The following MBD5 variants were observed in gnomAD, a reference collection of about 807,000 sequenced individuals.
MBD5 encodes methyl-CpG binding domain protein 5, also known as methyl-CpG-binding domain protein 5.
Under a neutral mutation model 117.3 loss-of-function variants are expected in MBD5, and 13 were observed. That is an observed-to-expected ratio of 0.11 (90% CI 0.07 to 0.18). The LOEUF is 0.18. Among genes scored for constraint, MBD5 ranks in the 10% least tolerant of loss-of-function variants. MBD5 has a pLI of 1.00. For synonymous variants in MBD5, 727 were observed against 766.4 expected (o/e 0.95, Z 0.85); for missense variants, 1,879 against 2,093.8 (o/e 0.90, Z 2.00).
At chr2:148,476,135 T>A (rs1680956273) in intron 8 of MBD5, among the ~76,000 whole-genome samples, 1 of 152,116 alleles carries the variant, frequency 6.6e-6, no homozygotes, top group South Asian at 2.1e-4. Context: ...GAGAGAGTAT[T>A]CATCACAGAT....
At chr2:148,057,705 T>C (rs1694908178) in intron 1 of MBD5, among the ~76,000 whole-genome samples, 1 of 151,964 alleles carries the variant, frequency 6.6e-6, no homozygotes, top group Non-Finnish European at 1.5e-5. Context: ...TGCTTTAGGG[T>C]TTGTAATTTA....
chr2:148,422,976 G>A (rs1705653870), intron 4 of MBD5, among the ~76,000 whole-genome samples: 1 of 152,120 alleles, frequency 6.6e-6, no homozygotes, highest in Admixed American at 6.5e-5. Flanking sequence ...GAAAGTGACG[G>A]GGAGAATGGA....
chr2:148,270,022 T>A (rs1700946600), intron 3 of MBD5, among the ~76,000 whole-genome samples: 1 of 152,144 alleles, frequency 6.6e-6, no homozygotes, highest in South Asian at 2.1e-4. Flanking sequence ...TAAGATATCC[T>A]CCTCTTGTTC....
Position 148,385,788 on chromosome 2 carries a change from G to T in MBD5, c.-557+43452G>T, listed in dbSNP as rs569038963. The stretch of plus-strand genomic sequence containing the variant: ...TGGAATACTATGCAGCCATAAAAAA[G>T]GATGAGTTCATGTCCTTAGTAGGGA... On this transcript the variant is annotated intron_variant, in intron 4 of 13. Coordinates refer to ENST00000642680, the MANE Select transcript of MBD5 (RefSeq NM_001378120.1). 1.8e-4 allele frequency among the ~76,000 whole-genome samples: 24 copies of T among 131,046 alleles called. No homozygotes were observed. In the South Asian group the frequency reaches 2.7e-3, roughly 15 times the overall value. 86.0% of individuals were successfully genotyped at this position (131,046 alleles called of 152,430 possible).
chr2:148,129,436 C>G lies in MBD5; in HGVS notation c.-924-49264C>G, dbSNP rs563807199. ...ACTTGAACCAGGGAGGCGGAGGTTG[C>G]AGTGAGCCAAGATCACACCACTGCA... On this transcript the variant is annotated intron_variant, in intron 1 of 13. Coordinates refer to ENST00000642680, the MANE Select transcript of MBD5 (RefSeq NM_001378120.1). 2.0e-5 allele frequency among the ~76,000 whole-genome samples: 3 copies of G among 152,194 alleles called. No individual in the cohort carries two copies. In the East Asian group the frequency reaches 5.8e-4, roughly 29 times the overall value.
intron 1 of MBD5, among the ~76,000 whole-genome samples, chr2:148,065,555 T>C (rs1347690255): frequency 1.3e-5 from 2 of 152,104 alleles, no homozygotes; most frequent in Admixed American, 6.5e-5. Context: ...CAACAAAATA[T>C]GTCAAAAAAA....
intron 1 of MBD5, among the ~76,000 whole-genome samples, chr2:148,038,709 A>G (rs1465500422): frequency 6.6e-6 from 1 of 151,946 alleles, no homozygotes; most frequent in Non-Finnish European, 1.5e-5. Context: ...AATCACATGT[A>G]AGGTTTTGAC....
intron 8 of MBD5, among the ~76,000 whole-genome samples, chr2:148,479,635 T>C (rs1193705633): frequency 6.6e-6 from 1 of 151,870 alleles, no homozygotes; most frequent in Non-Finnish European, 1.5e-5. Context: ...TAGGGAAACC[T>C]CACAATATTT....
intron 1 of MBD5, among the ~76,000 whole-genome samples, chr2:148,058,565 G>T (rs1392330774): frequency 1.3e-5 from 2 of 151,568 alleles, no homozygotes; most frequent in African/African-American, 4.8e-5. Context: ...ATTTTCTGAG[G>T]CTCTTAGTTG....
chr2:148,447,192 AAAGAAAGAAAGAAAGAAAGAAAGAAAG>A, intron 4 of MBD5, among the ~76,000 whole-genome samples: 1 of 9,366 alleles, frequency 1.1e-4, no homozygotes, highest in Admixed American at 4.2e-3. Flanking sequence ...AGAAAGAAAG[AAAGAAAGAAAGAAAGAAAGAAAGAAAG>A]AAAGAAAGAA....
In MBD5 at chr2:148,431,288, A is replaced by G. The variant is rs115310742; in HGVS notation, c.-556-26915A>G. On this transcript the variant is annotated intron_variant, in intron 4 of 13. Coordinates refer to ENST00000642680, the MANE Select transcript of MBD5 (RefSeq NM_001378120.1). ...ACAAAATATTTTATTAAATTTCCAA[A>G]TTAGACCAATAAATATTACTGTCTC... Among the ~76,000 whole-genome samples, 1,295 of 152,244 alleles carry G rather than the reference A, an allele frequency of 8.5e-3. 21 individuals are homozygous for G. The highest frequency in any genetic ancestry group is 0.03 in the African/African-American group (1,247 of 41,558).
intron 1 of MBD5, among the ~76,000 whole-genome samples, chr2:148,046,018 G>A (rs10186643): frequency 7.4e-6 from 1 of 135,604 alleles, no homozygotes; most frequent in Non-Finnish European, 1.5e-5. Context: ...AGAGTCTCGC[G>A]GTGTTGCCAG....
chr2:148,208,313 A>G (rs1699334849), intron 2 of MBD5, among the ~76,000 whole-genome samples: 1 of 152,094 alleles, frequency 6.6e-6, no homozygotes, highest in African/African-American at 2.4e-5. Context: ...GTGCAGTGGC[A>G]TGATCTCAGC....
chr2:148,304,093 T>G (rs1200758012), intron 3 of MBD5, among the ~76,000 whole-genome samples: 2 of 152,140 alleles, frequency 1.3e-5, no homozygotes, highest in African/African-American at 4.8e-5. Context: ...TCTCCCCGAT[T>G]CCTAGGAGTC....
chr2:148,035,715 A>G (rs1301480285), intron 1 of MBD5, among the ~76,000 whole-genome samples: 2 of 152,202 alleles, frequency 1.3e-5, no homozygotes, highest in Non-Finnish European at 2.9e-5. Context: ...CACGGACCCT[A>G]GAGCCAGACT....
intron 3 of MBD5, among the ~76,000 whole-genome samples, chr2:148,306,794 AAAG>A (rs1201128080): frequency 2.6e-5 from 4 of 152,172 alleles, no homozygotes; most frequent in Non-Finnish European, 4.4e-5. Context: ...ATTTATTTGA[AAAG>A]AGAATTTGGT....
chr2:148,040,754 G>GC (rs1334620687), intron 1 of MBD5, among the ~76,000 whole-genome samples: 1 of 151,982 alleles, frequency 6.6e-6, no homozygotes, highest in Admixed American at 6.6e-5. Context: ...GTTTTTGCGT[G>GC]CGTTTTTCTC....
intron 3 of MBD5, among the ~76,000 whole-genome samples, chr2:148,316,972 TAATGGGAAAAGCATCAGGGTACTTGA>T (rs1702170103): frequency 6.6e-6 from 1 of 152,160 alleles, no homozygotes; most frequent in South Asian, 2.1e-4. Flanking sequence ...CATCTTCACT[TAATGGGAAAAGCATCAGGGTACTTGA>T]AAGCATAGAC....
At chr2:148,074,507 G>GTTTTTTTTTTTGTTTTTTTTTTTTTT (rs1553469620) in intron 1 of MBD5, among the ~76,000 whole-genome samples, 1 of 113,772 alleles carries the variant, frequency 8.8e-6, no homozygotes, top group African/African-American at 3.5e-5. Flanking sequence ...TTTTTTTTTT[G>GTTTTTTTTTTTGTTTTTTTTTTTTTT]TTTTTTTTTT....
Sources: gnomAD v4.1 joint callset for allele counts (sites outside exome capture counted in the v4.1 genomes callset) on GRCh38, gnomAD v4.1.1 for gene constraint, MANE v1.5 for transcripts, NCBI Gene and HGNC (gene_info 2026-07-23, HGNC 2026-07-21) for gene names.